The following DNAH11 variants were observed in gnomAD, a reference collection of about 807,000 sequenced individuals.
DNAH11 encodes the protein axonemal beta dynein heavy chain 11.
DNAH11 carries 442 observed loss-of-function variants against 526.0 expected under a neutral mutation model. The ratio of observed to expected loss-of-function variants is 0.84; its 90% confidence interval spans 0.78 to 0.91. DNAH11 has a LOEUF of 0.91. DNAH11 is among the 40% of genes least tolerant of loss of function. The pLI, the probability that DNAH11 is intolerant of heterozygous loss-of-function variation, is 0.00. For synonymous variants in DNAH11, 2,461 were observed against 1,935.9 expected, an observed-to-expected ratio of 1.27 and a Z score of -7.12; for missense variants, 6,989 against 5,448.7, an observed-to-expected ratio of 1.28 and a Z score of -8.90.
rs759332741 is a variant in DNAH11, at chr7:21,900,050, C to CA, written c.13240dup (p.Thr4414AsnfsTer34). 9 of 1,613,610 alleles carry CA rather than the reference C, an allele frequency of 5.6e-6. No homozygotes were observed. Among genetic ancestry groups the CA allele is most frequent in the Non-Finnish European group, 7.6e-6 (9 of 1,179,762 alleles). On this transcript the variant is annotated frameshift_variant, in exon 81 of 82. Coordinates refer to ENST00000409508, the MANE Select transcript of DNAH11 (RefSeq NM_001277115.2). LOFTEE classifies it high-confidence loss of function. Reference sequence around the variant, plus strand: ...AAACGCGCTTGACTGCTGATGTTACCAAAAAAACAAAGGAAGATTATGGAC... The same window carrying CA: ...AAACGCGCTTGACTGCTGATGTTACCAAAAAAAACAAAGGAAGATTATGGAC...
chr7:21,628,922 G>C (rs1228646025), intron 25 of DNAH11, among the ~76,000 whole-genome samples: 2 of 151,884 alleles, frequency 1.3e-5, no homozygotes, highest in Admixed American at 6.6e-5. Flanking sequence ...TCTCATCCTT[G>C]TTATTCCCTT....
chr7:21,672,919 G>T (rs961734269), intron 30 of DNAH11, among the ~76,000 whole-genome samples: 8 of 152,178 alleles, frequency 5.3e-5, no homozygotes, highest in African/African-American at 1.9e-4. Context: ...GTCCTACATG[G>T]TGAACCCACT....
chr7:21,721,009 G>T (rs113700278), intron 44 of DNAH11, among the ~76,000 whole-genome samples, 153 bp downstream of exon 44: 2 of 152,096 alleles, frequency 1.3e-5, no homozygotes, highest in Non-Finnish European at 2.9e-5. Context: ...TCTCTGGGTA[G>T]TCCCATCCCT....
intron 74 of DNAH11, among the ~76,000 whole-genome samples, chr7:21,874,463 G>C (rs935055479): frequency 6.6e-6 from 1 of 151,898 alleles, no homozygotes; most frequent in Non-Finnish European, 1.5e-5. Flanking sequence ...AGCCTCCCAG[G>C]TAGCTGGGAT....
intron 28 of DNAH11, among the ~76,000 whole-genome samples, chr7:21,650,586 A>G (rs1248885447): frequency 6.8e-6 from 1 of 146,720 alleles, no homozygotes; most frequent in Non-Finnish European, 1.5e-5. Context: ...ACCATATTGC[A>G]TGCCTATTTC....
At chr7:21,702,505 CAA>C (rs3214246) in intron 36 of DNAH11, among the ~76,000 whole-genome samples, 2 of 129,324 alleles carry the variant, frequency 1.5e-5, no homozygotes, top group African/African-American at 2.8e-5. Context: ...CTGACAGAGG[CAA>C]AAAAAAAAAG....
In DNAH11 at chr7:21,789,804, TCTTTTTTC is replaced by T. The variant is rs1478571365; in HGVS notation, c.10026+463_10026+470del. Among the ~76,000 whole-genome samples the T allele has an allele frequency of 6.0e-4, 44 of 73,160 alleles. 1 individual carries two copies. The highest frequency in any genetic ancestry group is 2.0e-3 in the South Asian group (4 of 1,996). The allele number at this position is 73,160 out of a possible 152,430, so 48.0% of individuals were successfully genotyped here. A position where few individuals can be genotyped will look rare whatever the true frequency, so the allele number is the denominator to read the frequency against. On this transcript the variant is annotated intron_variant, in intron 61 of 81. Coordinates refer to ENST00000409508, the MANE Select transcript of DNAH11 (RefSeq NM_001277115.2). ...TTCTTTCTTTCTTTCTTTCTTTCTTTCTTTTTTCTTTCTTTCTTTCTTTCTTTCTTTCT... is the reference window on the plus strand; with the variant it reads ...TTCTTTCTTTCTTTCTTTCTTTCTTTTTTCTTTCTTTCTTTCTTTCTTTCT...
chr7:21,825,667 A>C (rs747281203), intron 65 of DNAH11, among the ~76,000 whole-genome samples: 1 of 151,850 alleles, frequency 6.6e-6, no homozygotes, highest in South Asian at 2.1e-4. Flanking sequence ...AGGGCACTCT[A>C]AGCTTTCAAA....
At chr7:21,697,995 C>A in intron 35 of DNAH11, 80 bp from the exon 36 acceptor site, 2 of 1,420,994 alleles carry the variant, frequency 1.4e-6, no homozygotes, top group Admixed American at 4.5e-5. Context: ...AATGTTGGTA[C>A]GAAATAACCA....
intron 30 of DNAH11, among the ~76,000 whole-genome samples, chr7:21,670,532 T>C (rs1782604030): frequency 6.6e-6 from 1 of 152,134 alleles, no homozygotes; most frequent in Admixed American, 6.6e-5. Flanking sequence ...CTTTATTTCC[T>C]TTTTTTGAGC....
chr7:21,689,174 T>C (rs1177028517), intron 34 of DNAH11, among the ~76,000 whole-genome samples: 1 of 152,236 alleles, frequency 6.6e-6, no homozygotes, highest in Non-Finnish European at 1.5e-5. Context: ...ATAGAGAGGC[T>C]CAGTTATTTG....
At position 21,880,428 on chromosome 7, in the gene DNAH11, G is replaced by A. The variant is rs11763022; in HGVS notation, c.12196-274G>A. On this transcript the variant is annotated intron_variant, in intron 74 of 81. Transcript: ENST00000409508. ...AGAGGAAAATGATGTCAAGCAGTAT[G>A]ACATGGTTAAAATGAACTGTCTCAT... Among the ~76,000 whole-genome samples, 41,606 of 152,186 alleles carry A rather than the reference G, an allele frequency of 0.27. 7,016 individuals are homozygous for A. The highest frequency in any genetic ancestry group is 0.37 in the Non-Finnish European group (25,294 of 67,990).
At chr7:21,823,899 G>C (rs1252319638) in intron 65 of DNAH11, among the ~76,000 whole-genome samples, 1 of 152,172 alleles carries the variant, frequency 6.6e-6, no homozygotes, top group Non-Finnish European at 1.5e-5. Context: ...TCCTTCTTCA[G>C]GGTGCCTGCT....
Position 21,838,809 on chromosome 7 carries a change from AG to A in DNAH11, c.10692-3734del, listed in dbSNP as rs1473796217. Among the ~76,000 whole-genome samples the A allele has an allele frequency of 3.4e-3, 516 of 152,060 alleles. 2 individuals are homozygous for A. Among genetic ancestry groups the A allele is most frequent in the African/African-American group, 0.012 (488 of 41,474 alleles). ...CAGTGGCCTGATCACAGCTCACGGC[AG>A]CCTCGACCTCCCAAGGCTCAGGTGA... On this transcript the variant is annotated intron_variant, in intron 65 of 81. Coordinates refer to ENST00000409508, the MANE Select transcript of DNAH11 (RefSeq NM_001277115.2).
Position 21,789,012 on chromosome 7 carries a change from G to A in DNAH11, c.9925-229G>A, listed in dbSNP as rs115449165. ...ACCATGTCTGAAAAATAACAGGCCAGGTGTGGTGGCATACACCTGTAATCT... is the reference window on the plus strand; with the variant it reads ...ACCATGTCTGAAAAATAACAGGCCAAGTGTGGTGGCATACACCTGTAATCT... On this transcript the variant is annotated intron_variant, in intron 60 of 81. Coordinates refer to ENST00000409508, the MANE Select transcript of DNAH11 (RefSeq NM_001277115.2). Among the ~76,000 whole-genome samples, 1,967 of 152,220 alleles carry A rather than the reference G, an allele frequency of 0.013. 44 individuals carry two copies. The highest frequency in any genetic ancestry group is 0.045 in the African/African-American group (1,873 of 41,532).
At position 21,571,856 on chromosome 7, in the gene DNAH11, T is replaced by C. The variant is rs1783903411; in HGVS notation, c.1476T>C (p.Phe492=). Residue 492 remains phenylalanine, a synonymous_variant, in exon 8 of 82, where the codon TTT becomes TTC. Transcript: ENST00000409508. ...TTGAAAAGCTGGAAAGACTGGAATTTGGTGGTACCAAAGGAGCAATTTTAA... is the reference window on the plus strand; with the variant it reads ...TTGAAAAGCTGGAAAGACTGGAATTCGGTGGTACCAAAGGAGCAATTTTAA... ...LEFEKLERLE[F]GGTKGAILNG... 3 of 1,613,116 alleles carry C rather than the reference T, an allele frequency of 1.9e-6. No homozygotes were observed. The highest frequency in any genetic ancestry group is 2.5e-6 in the Non-Finnish European group (3 of 1,179,564).
chr7:21,741,354 A>C (rs1187124880), intron 48 of DNAH11, among the ~76,000 whole-genome samples: 5 of 152,214 alleles, frequency 3.3e-5, no homozygotes, highest in Non-Finnish European at 4.4e-5. Context: ...TCATCTACTG[A>C]AGGACACCTT....
At chr7:21,547,716 A>G (rs1782857781) in intron 2 of DNAH11, among the ~76,000 whole-genome samples, 1 of 152,222 alleles carries the variant, frequency 6.6e-6, no homozygotes, top group Admixed American at 6.5e-5. Context: ...TCATATCCTC[A>G]GGCTGGCTGC....
chr7:21,811,661 A>C (rs558125779), intron 63 of DNAH11, among the ~76,000 whole-genome samples: 13 of 152,158 alleles, frequency 8.5e-5, no homozygotes, highest in Non-Finnish European at 1.8e-4. Context: ...GTTGTACAAC[A>C]ATGTGAATGT....
Sources: allele counts gnomAD v4.1 joint callset (sites outside exome capture counted in the v4.1 genomes callset), GRCh38; gene constraint gnomAD v4.1.1; transcripts MANE v1.5; gene names NCBI Gene and HGNC (gene_info 2026-07-23, HGNC 2026-07-21).